The following CORIN variants were observed in gnomAD, a reference collection of about 807,000 sequenced individuals.
The protein encoded by CORIN is corin, serine peptidase.
A neutral mutation model predicts 125.3 loss-of-function variants in CORIN; 117 were observed. That is an observed-to-expected ratio of 0.93 (90% CI 0.80 to 1.09). The LOEUF is 1.09. CORIN is among the 50% of genes least tolerant of loss of function. The probability of loss-of-function intolerance (pLI) is 0.00; values close to 1 mark genes in which losing one functional copy is unlikely to be tolerated. For synonymous variants in CORIN, 450 were observed against 466.4 expected (o/e 0.96, Z 0.45); for missense variants, 1,253 against 1,306.7 (o/e 0.96, Z 0.63).
At chr4:47,662,455 A>T (rs1724293605) in intron 11 of CORIN, among the ~76,000 whole-genome samples, 1 of 152,114 alleles carries the variant, frequency 6.6e-6, no homozygotes, top group Non-Finnish European at 1.5e-5. Flanking sequence ...AAGAAATGAT[A>T]TATTATTGTA....
intron 2 of CORIN, among the ~76,000 whole-genome samples, chr4:47,804,624 A>T (rs772114261): frequency 6.1e-5 from 9 of 148,138 alleles, no homozygotes; most frequent in Non-Finnish European, 1.2e-4. Flanking sequence ...CAAACTTCAC[A>T]TGTTCTCACT....
intron 1 of CORIN, among the ~76,000 whole-genome samples, chr4:47,815,441 A>G (rs779666405): frequency 3.9e-5 from 6 of 152,020 alleles, no homozygotes; most frequent in Admixed American, 2.0e-4. Flanking sequence ...GGTAAATCCT[A>G]TTTTCTTCAG....
intron 5 of CORIN, among the ~76,000 whole-genome samples, chr4:47,733,968 T>C (rs946298185): frequency 1.3e-5 from 2 of 152,128 alleles, no homozygotes; most frequent in Admixed American, 1.3e-4. Flanking sequence ...TTTGGCTCGA[T>C]TCACTCTGGA....
chr4:47,795,401 C>T (rs1411027663), intron 2 of CORIN, among the ~76,000 whole-genome samples: 2 of 152,056 alleles, frequency 1.3e-5, no homozygotes, highest in African/African-American at 4.8e-5. Flanking sequence ...ATATTAATTC[C>T]TCCAGTCAAT....
chr4:47,653,031 T>C (rs1723805216), intron 13 of CORIN, among the ~76,000 whole-genome samples: 1 of 152,192 alleles, frequency 6.6e-6, no homozygotes, highest in African/African-American at 2.4e-5. Flanking sequence ...TTTCCACAGT[T>C]TCAGTTATCC....
intron 12 of CORIN, among the ~76,000 whole-genome samples, chr4:47,656,250 G>A (rs1723975346): frequency 6.6e-6 from 1 of 150,388 alleles, no homozygotes; most frequent in Non-Finnish European, 1.5e-5. Context: ...CCACTTCCCA[G>A]GTTCGAGTGA....
intron 1 of CORIN, among the ~76,000 whole-genome samples, chr4:47,826,788 C>T (rs558889392): frequency 4.6e-5 from 7 of 152,182 alleles, no homozygotes; most frequent in Admixed American, 2.6e-4. Context: ...GGTCATTGTT[C>T]GGAACATCTC....
At chr4:47,782,975 G>A (rs1233952104) in intron 3 of CORIN, among the ~76,000 whole-genome samples, 10 of 151,764 alleles carry the variant, frequency 6.6e-5, no homozygotes, top group Admixed American at 5.9e-4. Context: ...AGTGGTGATG[G>A]TCTGAAATAG....
chr4:47,729,905 G>T (rs911620971), intron 5 of CORIN, among the ~76,000 whole-genome samples: 12 of 152,192 alleles, frequency 7.9e-5, no homozygotes, highest in Admixed American at 7.9e-4. Flanking sequence ...CAGCGGAGAA[G>T]TCTGGCCGCT....
chr4:47,801,649 C>T (rs895654391), intron 2 of CORIN, among the ~76,000 whole-genome samples: 1 of 152,132 alleles, frequency 6.6e-6, no homozygotes, highest in Non-Finnish European at 1.5e-5. Flanking sequence ...AATTATGAGG[C>T]TTTGCATTGA....
At chr4:47,835,449 A>G (rs1733345334) in intron 1 of CORIN, among the ~76,000 whole-genome samples, 1 of 152,232 alleles carries the variant, frequency 6.6e-6, no homozygotes. Context: ...GGGGACACTC[A>G]GAAACCCTAA....
At chr4:47,704,108 C>T (rs1560512687) in intron 5 of CORIN, among the ~76,000 whole-genome samples, 1 of 152,172 alleles carries the variant, frequency 6.6e-6, no homozygotes, top group Non-Finnish European at 1.5e-5. Flanking sequence ...TCCCAGGCTC[C>T]TCCGCTTTTC....
At chr4:47,770,119 G>T (rs939146899) in intron 3 of CORIN, among the ~76,000 whole-genome samples, 1 of 151,950 alleles carries the variant, frequency 6.6e-6, no homozygotes, top group African/African-American at 2.4e-5. Flanking sequence ...CCTGATAAGG[G>T]GTTAATATCC....
intron 8 of CORIN, chr4:47,679,933 C>T: frequency 2.5e-6 from 1 of 402,402 alleles, no homozygotes; most frequent in East Asian, 4.4e-5. Flanking sequence ...TGGAGTTTTG[C>T]AGGGAGAGGT....
intron 5 of CORIN, among the ~76,000 whole-genome samples, chr4:47,741,060 T>C (rs912694833): frequency 6.6e-6 from 1 of 151,926 alleles, no homozygotes. Flanking sequence ...TTAAAATACA[T>C]ACACTAGAAG....
In CORIN at chr4:47,621,027, T is replaced by G. The variant is rs529924412; in HGVS notation, c.2540+2544A>C. 3.9e-5 allele frequency among the ~76,000 whole-genome samples: 6 copies of G among 152,322 alleles called. No individual in the cohort carries two copies. The South Asian group carries it at 1.2e-3, about 32-fold the overall frequency. On this transcript the variant is annotated intron_variant, in intron 19 of 21. Coordinates refer to ENST00000273857, the MANE Select transcript of CORIN (RefSeq NM_006587.4). ...TGTGGATTATTTTTTGCCTCGAATT[T>G]TTGCTATTATTTAATATTACTTCAT...
chr4:47,749,545 A>G (rs1272750092), intron 4 of CORIN, among the ~76,000 whole-genome samples: 1 of 152,188 alleles, frequency 6.6e-6, no homozygotes, highest in Non-Finnish European at 1.5e-5. Flanking sequence ...AACATCTTTA[A>G]TTCACCTATG....
intron 5 of CORIN, among the ~76,000 whole-genome samples, chr4:47,700,981 G>A (rs1432119907): frequency 6.6e-6 from 1 of 152,122 alleles, no homozygotes; most frequent in African/African-American, 2.4e-5. Context: ...CTATTATACT[G>A]ATGTTTCCTT....
intron 16 of CORIN, among the ~76,000 whole-genome samples, chr4:47,627,370 G>A (rs1360715365): frequency 6.6e-6 from 1 of 152,042 alleles, no homozygotes; most frequent in East Asian, 1.9e-4. Context: ...AAAAAGGCAA[G>A]GAAGAACCCT....
Sources: allele counts gnomAD v4.1 joint callset (sites outside exome capture counted in the v4.1 genomes callset), GRCh38; gene constraint gnomAD v4.1.1; transcripts MANE v1.5; gene names NCBI Gene and HGNC (gene_info 2026-07-23, HGNC 2026-07-21).